C11orf71: variants seen among roughly 807,000 people sequenced by gnomAD.
C11orf71 encodes the protein uncharacterized protein C11orf71.
For missense variants in C11orf71, 179 were observed against 167.6 expected (o/e 1.07, Z -0.38); for synonymous variants, 72 against 73.4 (o/e 0.98, Z 0.09).
At chr11:114,394,218 C>CTTTTCTT (rs1565256431), downstream of C11orf71, among the ~76,000 whole-genome samples, 1 of 55,466 alleles carries the variant, frequency 1.8e-5, no homozygotes, top group South Asian at 5.5e-4. Context: ...CTTTTCTTTT[C>CTTTTCTT]TTTTCTTTTC....
intron 1 of C11orf71, among the ~76,000 whole-genome samples, chr11:114,392,712 A>G (rs1001496539): frequency 2.6e-5 from 4 of 150,988 alleles, no homozygotes; most frequent in African/African-American, 9.8e-5. Context: ...GAGCCTGAGC[A>G]ATAGAGTAAG....
downstream of C11orf71, among the ~76,000 whole-genome samples, chr11:114,394,228 CTTTCTTTTCTT>C (rs1946102793): frequency 2.1e-5 from 1 of 48,704 alleles, no homozygotes; most frequent in African/African-American, 1.0e-4. Context: ...CTTTTCTTTT[CTTTCTTTTCTT>C]TTCTTTTCTT....
chr11:114,392,313 G>A (rs1946078877), intron 1 of C11orf71, among the ~76,000 whole-genome samples: 1 of 151,926 alleles, frequency 6.6e-6, no homozygotes, highest in African/African-American at 2.4e-5. Flanking sequence ...CGAGGCGAGT[G>A]GATCACTGGA....
downstream of C11orf71, among the ~76,000 whole-genome samples, chr11:114,395,833 G>A (rs923824324): frequency 2.6e-5 from 4 of 152,200 alleles, no homozygotes; most frequent in African/African-American, 9.7e-5. Flanking sequence ...GGGTCATCAT[G>A]TGCAGTCAAG....
At chr11:114,394,493 C>A (rs1946115570), downstream of C11orf71, among the ~76,000 whole-genome samples, 1 of 151,848 alleles carries the variant, frequency 6.6e-6, no homozygotes, top group Non-Finnish European at 1.5e-5. Flanking sequence ...TGGGGTTTCA[C>A]CATGTTGGCC....
At chr11:114,394,297 C>A (rs533208222), downstream of C11orf71, among the ~76,000 whole-genome samples, 2 of 106,808 alleles carry the variant, frequency 1.9e-5, no homozygotes, top group East Asian at 2.9e-4. Context: ...CTCTTATTTT[C>A]TTTTCTTTTC....
At chr11:114,396,699 T>C (rs1410304056), downstream of C11orf71, among the ~76,000 whole-genome samples, 2 of 152,220 alleles carry the variant, frequency 1.3e-5, no homozygotes, top group Non-Finnish European at 2.9e-5. Flanking sequence ...TATTCAAACA[T>C]ACATTTTGTT....
downstream of C11orf71, among the ~76,000 whole-genome samples, chr11:114,394,982 T>C (rs1434237653): frequency 2.6e-5 from 4 of 151,078 alleles, no homozygotes; most frequent in Non-Finnish European, 5.9e-5. Flanking sequence ...ATTTATGCCC[T>C]TGCCTTCCTG....
chr11:114,395,440 GCAAT>G (rs1200286733), downstream of C11orf71, among the ~76,000 whole-genome samples: 1 of 152,220 alleles, frequency 6.6e-6, no homozygotes, highest in African/African-American at 2.4e-5. Flanking sequence ...GGAAAGGCTG[GCAAT>G]GCAGCTTGGT....
rs1946175349 is a variant in C11orf71, at chr11:114,400,248, C to G, written c.84G>C (p.Pro28=). Residue 28 remains proline (P), a synonymous_variant, in exon 1 of 1, where the codon CCG becomes CCC. Coordinates refer to ENST00000623205, the MANE Select transcript of C11orf71 (RefSeq NM_001271562.2). ...AYRSSHGDLR[P]RASALAMVSG... The stretch of plus-strand genomic sequence containing the variant: ...AGACCATCGCCAACGCTGACGCCCG[C>G]GGTCTGAGGTCGCCATGGGAAGAGC... 1 of 1,611,144 alleles carries G rather than the reference C, an allele frequency of 6.2e-7. No homozygotes were observed. Among genetic ancestry groups the G allele is most frequent in the Admixed American group, 1.7e-5 (1 of 59,574 alleles).
downstream of C11orf71, among the ~76,000 whole-genome samples, chr11:114,394,294 T>TTCTCTTCTC (rs1946112528): frequency 7.9e-4 from 33 of 41,762 alleles, 5 homozygotes; most frequent in African/African-American, 5.1e-3. Flanking sequence ...TTTCTCTTAT[T>TTCTCTTCTC]TTCTTTTCTT....
At chr11:114,394,232 C>T (rs137975182), downstream of C11orf71, among the ~76,000 whole-genome samples, 677 of 33,478 alleles carry the variant, frequency 0.02, 11 homozygotes, top group East Asian at 0.12. Context: ...TCTTTTCTTT[C>T]TTTTCTTTTC....
intron 1 of C11orf71, among the ~76,000 whole-genome samples, chr11:114,392,277 C>T (rs543578584): frequency 6.6e-6 from 1 of 152,108 alleles, no homozygotes; most frequent in Admixed American, 6.5e-5. Flanking sequence ...GTGGCTTATG[C>T]CTGTAATCGC....
At chr11:114,391,503 A>C (rs1237565279) in exon 2 of C11orf71, 1 of 993,420 alleles carries the variant, frequency 1.0e-6, no homozygotes, top group Non-Finnish European at 1.4e-6. Flanking sequence ...CATATAATAC[A>C]TACAATTTCA....
chr11:114,394,313 G>T (rs1390419164), downstream of C11orf71, among the ~76,000 whole-genome samples: 3 of 81,374 alleles, frequency 3.7e-5, no homozygotes, highest in East Asian at 3.4e-4. Context: ...TTTTCTTTTT[G>T]AGACGGAGTC....
downstream of C11orf71, among the ~76,000 whole-genome samples, chr11:114,394,252 C>CTTT (rs1310830967): frequency 1.5e-5 from 1 of 66,636 alleles, no homozygotes; most frequent in East Asian, 5.4e-4. Context: ...CTTTTCTTTT[C>CTTT]TTTTCTTTTC....
rs181240917 is a variant in C11orf71, at chr11:114,392,692, C to T, written c.344-1027G>A. 3.5e-4 allele frequency among the ~76,000 whole-genome samples: 53 copies of T among 150,218 alleles called. No homozygotes were observed. The East Asian group carries it at 5.1e-3, about 14-fold the overall frequency. On this transcript the variant is annotated intron_variant, in intron 1 of 1. Coordinates refer to the C11orf71 transcript ENST00000325636. ...GTTACAGTGAGCCATGATCACCGCA[C>T]TGCACCCCAGAGCCTGAGCAATAGA...
downstream of C11orf71, among the ~76,000 whole-genome samples, chr11:114,394,654 C>T (rs71486264): frequency 1.3e-5 from 2 of 151,768 alleles, no homozygotes; most frequent in African/African-American, 4.8e-5. Context: ...GTGATCCGGA[C>T]TCCTCGGCCT....
At position 114,400,346 on chromosome 11, in the gene C11orf71, C is replaced by A. The variant is rs754055816; in HGVS notation, c.-15G>T. 1.9e-6 allele frequency: 3 copies of A among 1,589,442 alleles called. No individual in the cohort carries two copies. Among genetic ancestry groups the A allele is most frequent in the East Asian group, 2.3e-5 (1 of 44,294 alleles). On this transcript the variant is annotated 5_prime_UTR_variant, in exon 1 of 1. Coordinates refer to ENST00000623205, the MANE Select transcript of C11orf71 (RefSeq NM_001271562.2). Reference sequence around the variant, plus strand: ...TTCAGGGCCATATTCAAACACTGCCCGCAGTACTTGCGTTACGTCCCTTTG... The same window carrying A: ...TTCAGGGCCATATTCAAACACTGCCAGCAGTACTTGCGTTACGTCCCTTTG...
Sources: allele counts gnomAD v4.1 joint callset (sites outside exome capture counted in the v4.1 genomes callset), GRCh38; gene constraint gnomAD v4.1.1; transcripts MANE v1.5; gene names NCBI Gene and HGNC (gene_info 2026-07-23, HGNC 2026-07-21).